The following SCFD2 variants were observed in gnomAD, a reference collection of about 807,000 sequenced individuals.
SCFD2 encodes sec1 family domain-containing protein 2.
In SCFD2, 54 loss-of-function variants were observed where a neutral mutation model predicts 58.9. That is an observed-to-expected ratio of 0.92 (90% confidence interval 0.74 to 1.15). The LOEUF is 1.15. SCFD2 is among the 50% of genes most tolerant of loss of function. The pLI, the probability that SCFD2 is intolerant of heterozygous loss-of-function variation, is 0.00. For synonymous variants in SCFD2, 321 were observed against 335.9 expected (o/e 0.96, Z 0.49); for missense variants, 805 against 836.6 (o/e 0.96, Z 0.47).
intron 5 of SCFD2, among the ~76,000 whole-genome samples, chr4:53,116,643 CA>C (rs1383083562): frequency 6.6e-6 from 1 of 152,184 alleles, no homozygotes; most frequent in African/African-American, 2.4e-5. Context: ...GTCCTGATAA[CA>C]CTGTTCCAGC....
chr4:52,877,486 T>A (rs1718500677), intron 8 of SCFD2, among the ~76,000 whole-genome samples: 1 of 152,168 alleles, frequency 6.6e-6, no homozygotes, highest in African/African-American at 2.4e-5. Context: ...ACTTGCTAGA[T>A]GAATGACCCT....
In SCFD2 at chr4:53,280,455, G is replaced by A. The variant is rs185307286; in HGVS notation, c.1136-6454C>T. ...TACCTGAGCCCAGGAGACAGAGGTT[G>A]CAGTGAGCTGAGATTGCCCCATTGC... On this transcript the variant is annotated intron_variant, in intron 3 of 8. Coordinates refer to ENST00000401642, the MANE Select transcript of SCFD2 (RefSeq NM_152540.4). Among the ~76,000 whole-genome samples the A allele has an allele frequency of 2.7e-3, 411 of 152,136 alleles. 1 individual carries two copies. The highest frequency in any genetic ancestry group is 9.2e-3 in the African/African-American group (382 of 41,498).
chr4:53,315,615 A>C (rs1466942655), intron 2 of SCFD2, among the ~76,000 whole-genome samples: 1 of 152,210 alleles, frequency 6.6e-6, no homozygotes, highest in African/African-American at 2.4e-5. Context: ...AAGTTACTTA[A>C]TTTCTCTAAA....
intron 2 of SCFD2, among the ~76,000 whole-genome samples, chr4:53,347,698 G>T (rs1481061934): frequency 6.6e-6 from 1 of 152,340 alleles, no homozygotes. Flanking sequence ...CCAATTGGAA[G>T]GACAGCAAGG....
intron 2 of SCFD2, among the ~76,000 whole-genome samples, chr4:53,346,216 G>C (rs538973267): frequency 3.3e-5 from 5 of 151,732 alleles, no homozygotes; most frequent in African/African-American, 1.2e-4. Flanking sequence ...AAATGAAGTA[G>C]ATAAGGCTTT....
intron 5 of SCFD2, among the ~76,000 whole-genome samples, chr4:52,998,609 G>T (rs962851999): frequency 1.3e-5 from 2 of 152,126 alleles, no homozygotes; most frequent in African/African-American, 4.8e-5. Flanking sequence ...CTGTAGGTGT[G>T]GAGCCACACT....
intron 4 of SCFD2, among the ~76,000 whole-genome samples, chr4:53,202,264 A>AC (rs1728267652): frequency 2.0e-5 from 3 of 152,182 alleles, no homozygotes; most frequent in Admixed American, 6.5e-5. Flanking sequence ...TTTTCCCAGC[A>AC]CCATTTATTT....
intron 4 of SCFD2, among the ~76,000 whole-genome samples, chr4:53,229,467 T>C (rs901695214): frequency 2.0e-5 from 3 of 152,018 alleles, no homozygotes; most frequent in Admixed American, 6.6e-5. Context: ...AATAATGCCA[T>C]GTATCTACAA....
chr4:52,963,842 C>T (rs1234021719), intron 5 of SCFD2, among the ~76,000 whole-genome samples: 2 of 152,188 alleles, frequency 1.3e-5, no homozygotes, highest in African/African-American at 2.4e-5. Context: ...CTTTTGGTTT[C>T]ATAAGTTGGA....
intron 5 of SCFD2, among the ~76,000 whole-genome samples, chr4:53,132,110 T>A (rs1025478493): frequency 2.0e-5 from 3 of 152,228 alleles, no homozygotes; most frequent in African/African-American, 2.4e-5. Context: ...TTTGTAGTGA[T>A]CCTTTAATAT....
intron 5 of SCFD2, among the ~76,000 whole-genome samples, chr4:52,995,320 G>A (rs968230621): frequency 3.3e-5 from 5 of 152,102 alleles, no homozygotes; most frequent in South Asian, 2.1e-4. Context: ...AGAATCTAAC[G>A]CTGCTGCTGA....
At chr4:53,353,271 T>C (rs969047016) in intron 1 of SCFD2, among the ~76,000 whole-genome samples, 1 of 151,912 alleles carries the variant, frequency 6.6e-6, no homozygotes, top group Admixed American at 6.6e-5. Context: ...TTCGTTCCTC[T>C]CCTCTGGGGT....
intron 3 of SCFD2, among the ~76,000 whole-genome samples, chr4:53,295,113 G>T (rs1731979613): frequency 6.6e-6 from 1 of 152,084 alleles, no homozygotes; most frequent in South Asian, 2.1e-4. Context: ...GATTGTCTTG[G>T]CTATGCAGAC....
At chr4:53,039,593 G>A (rs773265007) in intron 5 of SCFD2, among the ~76,000 whole-genome samples, 1 of 152,154 alleles carries the variant, frequency 6.6e-6, no homozygotes, top group Admixed American at 6.6e-5. Context: ...CACTGGGCCT[G>A]AGTTTAGGCA....
chr4:53,169,726 T>C (rs533447604), intron 4 of SCFD2, among the ~76,000 whole-genome samples: 4 of 152,228 alleles, frequency 2.6e-5, no homozygotes, highest in Non-Finnish European at 5.9e-5. Context: ...GTTTTAATAA[T>C]AGCCATTCTA....
chr4:53,365,241 T>A lies in SCFD2; in HGVS notation c.701A>T (p.Glu234Val). ...SSLCEHLGVR[E>V]ECFAVGSLSQ... ...TAAGGAACCTACAGCAAAACACTCC[T>A]CCCGTACTCCTAAATGTTCACACAG... The change falls in exon 1 of 9, where the codon GAG becomes GTG. Residue 234 changes from glutamate to valine, a missense_variant. Glu to Val is a moderately radical substitution (Grantham distance 121, BLOSUM62 -2). Transcript: ENST00000401642. This position sits in a 1 kb window ranked among gnomAD's most constrained non-coding sequence, Gnocchi z 4.3. The A allele has an allele frequency of 6.2e-7, 1 of 1,614,136 alleles. No homozygotes were observed. The highest frequency in any genetic ancestry group is 8.5e-7 in the Non-Finnish European group (1 of 1,180,020).
At chr4:53,120,090 T>C (rs1376235283) in intron 5 of SCFD2, among the ~76,000 whole-genome samples, 1 of 152,200 alleles carries the variant, frequency 6.6e-6, no homozygotes, top group Non-Finnish European at 1.5e-5. Flanking sequence ...TTTTACAGTC[T>C]AGTGACAAAA....
In SCFD2 at chr4:53,005,054, C is replaced by T. The variant is rs1721943253; in HGVS notation, c.1562-84184G>A. 3.9e-5 allele frequency among the ~76,000 whole-genome samples: 6 copies of T among 152,156 alleles called. No homozygotes were observed. The South Asian group carries it at 1.0e-3, about 26-fold the overall frequency. The stretch of plus-strand genomic sequence containing the variant: ...CTGGGACTACAGGCATGTGCCACCA[C>T]ATCCGGATAATTTTTGTATTTTTAG... On this transcript the variant is annotated intron_variant, in intron 5 of 8. Coordinates refer to ENST00000401642, the MANE Select transcript of SCFD2 (RefSeq NM_152540.4).
At chr4:52,892,794 G>A (rs1718908515) in intron 7 of SCFD2, among the ~76,000 whole-genome samples, 1 of 152,158 alleles carries the variant, frequency 6.6e-6, no homozygotes, top group Non-Finnish European at 1.5e-5. Flanking sequence ...GGCAGGTAGG[G>A]AACCTGGTTT....
Sources: allele counts gnomAD v4.1 joint callset (sites outside exome capture counted in the v4.1 genomes callset), GRCh38; gene constraint gnomAD v4.1.1; non-coding constraint Gnocchi (gnomAD v3.1); transcripts MANE v1.5; gene names NCBI Gene and HGNC (gene_info 2026-07-23, HGNC 2026-07-21).